The following CNBD1 variants were observed in gnomAD, a reference collection of about 807,000 sequenced individuals.
The protein encoded by CNBD1 is cyclic nucleotide binding domain containing 1, also known as cyclic nucleotide-binding domain-containing protein 1.
In CNBD1, 71 loss-of-function variants were observed where a neutral mutation model predicts 54.4. That is an observed-to-expected ratio of 1.30 (90% confidence interval 1.08 to 1.59). The LOEUF (loss-of-function observed/expected upper bound fraction) is 1.59. Among genes scored for constraint, CNBD1 ranks in the 40% most tolerant of loss-of-function variants. The pLI is 0.00. For missense variants in CNBD1, 659 were observed against 518.0 expected (o/e 1.27, Z -2.64); for synonymous variants, 182 against 170.7 (o/e 1.07, Z -0.51).
intron 8 of CNBD1, among the ~76,000 whole-genome samples, chr8:87,338,490 T>G (rs1327836952): frequency 6.6e-6 from 1 of 152,106 alleles, no homozygotes; most frequent in Non-Finnish European, 1.5e-5. Context: ...TTTGTTTTGT[T>G]TTGTTTTTCA....
At chr8:86,953,910 C>G (rs534343050) in intron 4 of CNBD1, among the ~76,000 whole-genome samples, 14 of 152,190 alleles carry the variant, frequency 9.2e-5, no homozygotes, top group Middle Eastern at 6.8e-3. Context: ...GTTAAATAAT[C>G]CTGTTTATCA....
At chr8:87,425,794 G>A (rs1335070660) in intron 2 of CNBD1, among the ~76,000 whole-genome samples, 1 of 152,090 alleles carries the variant, frequency 6.6e-6, no homozygotes, top group African/African-American at 2.4e-5. Context: ...CCTGCCCCCA[G>A]AGGTGGAGCC....
At chr8:87,339,078 C>A (rs1389977993) in intron 8 of CNBD1, among the ~76,000 whole-genome samples, 1 of 152,042 alleles carries the variant, frequency 6.6e-6, no homozygotes, top group Non-Finnish European at 1.5e-5. Context: ...GAATATTTTT[C>A]TTCCTTCAGG....
chr8:87,211,290 A>C (rs948874333), intron 5 of CNBD1, among the ~76,000 whole-genome samples: 1 of 152,186 alleles, frequency 6.6e-6, no homozygotes, highest in Non-Finnish European at 1.5e-5. Flanking sequence ...TGGGAGGAAC[A>C]TGGATTCAAA....
chr8:87,237,597 C>A (rs952274906), intron 6 of CNBD1, among the ~76,000 whole-genome samples: 1 of 152,092 alleles, frequency 6.6e-6, no homozygotes, highest in Non-Finnish European at 1.5e-5. Flanking sequence ...TATAATATTT[C>A]AAGACTATTA....
intron 2 of CNBD1, among the ~76,000 whole-genome samples, chr8:87,411,471 C>A (rs950499752): frequency 7.2e-6 from 1 of 138,778 alleles, no homozygotes; most frequent in African/African-American, 2.7e-5. Flanking sequence ...CATTATCCTC[C>A]AAACATTGTA....
chr8:87,214,053 A>C (rs1348670831), intron 5 of CNBD1, among the ~76,000 whole-genome samples: 1 of 152,216 alleles, frequency 6.6e-6, no homozygotes, highest in African/African-American at 2.4e-5. Context: ...TCCAGGTCAC[A>C]CTGATACAAG....
intron 4 of CNBD1, among the ~76,000 whole-genome samples, chr8:87,145,695 A>T (rs916744127): frequency 5.3e-5 from 8 of 152,168 alleles, no homozygotes; most frequent in Non-Finnish European, 1.2e-4. Flanking sequence ...ATCCTTCTTG[A>T]CTTTAAATGT....
intron 4 of CNBD1, among the ~76,000 whole-genome samples, chr8:87,199,340 G>A (rs1214673397): frequency 6.6e-6 from 1 of 152,162 alleles, no homozygotes; most frequent in Admixed American, 6.5e-5. Context: ...ACAGATTTGA[G>A]TTGCCAAAAG....
intron 4 of CNBD1, among the ~76,000 whole-genome samples, chr8:86,999,788 G>A (rs1173994700): frequency 1.3e-5 from 2 of 152,094 alleles, no homozygotes; most frequent in East Asian, 3.9e-4. Flanking sequence ...TTTTTCTGCA[G>A]TGGGGAGAAA....
intron 4 of CNBD1, among the ~76,000 whole-genome samples, chr8:87,114,194 CAAAT>C (rs1411251747): frequency 6.6e-6 from 1 of 152,170 alleles, no homozygotes; most frequent in Non-Finnish European, 1.5e-5. Context: ...TGCTCACACA[CAAAT>C]AAATATCTCT....
At chr8:87,370,983 G>A (rs1586055320) in intron 10 of CNBD1, among the ~76,000 whole-genome samples, 1 of 150,672 alleles carries the variant, frequency 6.6e-6, no homozygotes, top group Non-Finnish European at 1.5e-5. Context: ...ATTAAATAGG[G>A]AATCCTTTCC....
intron 6 of CNBD1, among the ~76,000 whole-genome samples, chr8:87,280,936 A>G (rs1258590168): frequency 6.6e-6 from 1 of 151,574 alleles, no homozygotes; most frequent in East Asian, 1.9e-4. Flanking sequence ...TATCCCCACC[A>G]GAAGAGGATT....
intron 2 of CNBD1, among the ~76,000 whole-genome samples, chr8:87,401,751 A>T (rs533208500): frequency 6.0e-4 from 91 of 152,106 alleles, no homozygotes; most frequent in African/African-American, 1.9e-3. Context: ...TGGATTTTTT[A>T]AAAAAATTTA....
intron 4 of CNBD1, among the ~76,000 whole-genome samples, chr8:87,144,820 CAA>C (rs58385807): frequency 0.068 from 7,098 of 104,304 alleles, 307 homozygotes; most frequent in African/African-American, 0.17. Flanking sequence ...AACTATGCCT[CAA>C]AAAAAAAAAA....
chr8:87,103,097 G>C (rs1811464775), intron 4 of CNBD1, among the ~76,000 whole-genome samples: 1 of 152,124 alleles, frequency 6.6e-6, no homozygotes, highest in South Asian at 2.1e-4. Flanking sequence ...GAAATGATTG[G>C]TAAATAGATT....
intron 3 of CNBD1, among the ~76,000 whole-genome samples, chr8:86,925,278 T>A (rs1213802405): frequency 6.6e-6 from 1 of 152,188 alleles, no homozygotes; most frequent in Non-Finnish European, 1.5e-5. Flanking sequence ...GTACTAGTGA[T>A]AATTAAGCTA....
At chr8:86,879,869 CA>C (rs34026034) in intron 1 of CNBD1, among the ~76,000 whole-genome samples, 100,857 of 148,830 alleles carry the variant, frequency 0.68, 34,133 homozygotes, top group African/African-American at 0.74. Flanking sequence ...GAGAGTCCGT[CA>C]AAAAAAAAAG....
At chr8:86,878,054 G>T (rs1808550240) in intron 1 of CNBD1, among the ~76,000 whole-genome samples, 1 of 142,514 alleles carries the variant, frequency 7.0e-6, no homozygotes. Context: ...TTAATGCCAT[G>T]TAATTTTGTT....
Sources: allele counts gnomAD v4.1 joint callset (sites outside exome capture counted in the v4.1 genomes callset), GRCh38; gene constraint gnomAD v4.1.1; transcripts MANE v1.5; gene names NCBI Gene and HGNC (gene_info 2026-07-23, HGNC 2026-07-21).